ZNF566: variants seen among roughly 807,000 people sequenced by gnomAD.
ZNF566 encodes the protein zinc finger protein 566.
Under a neutral mutation model 32.8 loss-of-function variants are expected in ZNF566, and 27 were observed. The ratio of observed to expected loss-of-function variants is 0.82; its 90% CI spans 0.61 to 1.14. The LOEUF is 1.14. Ranked by LOEUF, ZNF566 falls within the 50% of genes most tolerant of loss-of-function variation. The pLI is 0.00. For synonymous variants in ZNF566, 154 were observed against 159.5 expected, an observed-to-expected ratio of 0.97 and a Z score of 0.26; for missense variants, 402 against 490.4, an observed-to-expected ratio of 0.82 and a Z score of 1.70.
chr19:36,484,325 G>GT (rs1190635465), intron 1 of ZNF566, among the ~76,000 whole-genome samples: 2 of 152,174 alleles, frequency 1.3e-5, no homozygotes, highest in Non-Finnish European at 2.9e-5. Flanking sequence ...TACCTGTTAG[G>GT]TTACAGTTCG....
chr19:36,473,218 T>A, intron 3 of ZNF566, 114 bp downstream of exon 3: 1 of 1,334,988 alleles, frequency 7.5e-7, no homozygotes, highest in Non-Finnish European at 1.1e-6. Flanking sequence ...AACATTCCTG[T>A]GGAACAGGAT....
Position 36,447,936 on chromosome 19 carries a change from T to C in ZNF566, c.*1041A>G, listed in dbSNP as rs1190417902. ...ATAATACTGATGATGATGAATATAATAACGATGACTAACATTCAGTGAGTA... is the reference window on the plus strand; with the variant it reads ...ATAATACTGATGATGATGAATATAACAACGATGACTAACATTCAGTGAGTA... On this transcript the variant is annotated 3_prime_UTR_variant, in exon 5 of 5. Coordinates refer to ENST00000452939, the MANE Select transcript of ZNF566 (RefSeq NM_001145344.1). 1.3e-5 allele frequency: 2 copies of C among 152,178 alleles called. No homozygotes were observed. The highest frequency in any genetic ancestry group is 2.9e-5 in the Non-Finnish European group (2 of 68,014). 9.4% of individuals were successfully genotyped at this position (152,178 alleles called of 1,614,324 possible).
chr19:36,454,492 G>T (rs1179041754), intron 4 of ZNF566, among the ~76,000 whole-genome samples: 1 of 152,114 alleles, frequency 6.6e-6, no homozygotes, highest in Non-Finnish European at 1.5e-5. Context: ...GTTCAAAACT[G>T]CAGTGAGTTA....
intron 1 of ZNF566, among the ~76,000 whole-genome samples, chr19:36,484,756 A>AT (rs1183290508): frequency 1.3e-4 from 19 of 151,596 alleles, no homozygotes; most frequent in Non-Finnish European, 1.2e-4. Flanking sequence ...TGCCCAGCTA[A>AT]TTTTTTGTAT....
intron 4 of ZNF566, among the ~76,000 whole-genome samples, chr19:36,463,431 G>A (rs1337064338): frequency 6.6e-6 from 1 of 150,516 alleles, no homozygotes; most frequent in African/African-American, 2.4e-5. Context: ...ATACCATCAA[G>A]AAGGCCTAAA....
At chr19:36,489,021 C>A (rs967806153) in intron 1 of ZNF566, among the ~76,000 whole-genome samples, 1 of 152,242 alleles carries the variant, frequency 6.6e-6, no homozygotes, top group African/African-American at 2.4e-5. Flanking sequence ...ACAGTCACAA[C>A]CACATTGTCA....
chr19:36,489,514 G>A lies in ZNF566; in HGVS notation c.-88C>T. 2 of 344,368 alleles carry A rather than the reference G, an allele frequency of 5.8e-6. No individual in the cohort carries two copies. Among genetic ancestry groups the A allele is most frequent in the South Asian group, 2.2e-5 (1 of 45,422 alleles). The allele number at this position is 344,368 out of a possible 1,614,324, so 21.3% of individuals were successfully genotyped here. On this transcript the variant is annotated 5_prime_UTR_variant, in exon 1 of 5. Coordinates refer to ENST00000452939, the MANE Select transcript of ZNF566 (RefSeq NM_001145344.1). ...CTTTCGAAGCAGCAGAACCCTCCCC[G>A]GCACTGGGGTAGTTGCTGGTAAAGC...
intron 4 of ZNF566, among the ~76,000 whole-genome samples, chr19:36,458,246 C>A (rs908209947): frequency 6.6e-6 from 1 of 152,020 alleles, no homozygotes; most frequent in East Asian, 1.9e-4. Context: ...TATGTATACA[C>A]ACACACATAC....
At chr19:36,454,203 G>T (rs2033241953) in intron 4 of ZNF566, among the ~76,000 whole-genome samples, 1 of 152,044 alleles carries the variant, frequency 6.6e-6, no homozygotes, top group South Asian at 2.1e-4. Flanking sequence ...CCAGCCTAAA[G>T]TTAAGTTATT....
At chr19:36,466,051 A>G (rs575233403) in intron 4 of ZNF566, among the ~76,000 whole-genome samples, 2 of 152,090 alleles carry the variant, frequency 1.3e-5, no homozygotes, top group African/African-American at 4.8e-5. Context: ...ATTTCCTATC[A>G]CTGAAAAAAA....
At chr19:36,471,230 A>AT (rs1312514735) in intron 4 of ZNF566, among the ~76,000 whole-genome samples, 11 of 151,762 alleles carry the variant, frequency 7.2e-5, no homozygotes, top group Non-Finnish European at 4.4e-5. Context: ...AAAAAAAAAA[A>AT]AATAATGAGT....
intron 4 of ZNF566, among the ~76,000 whole-genome samples, chr19:36,453,696 T>C (rs2033228674): frequency 6.6e-6 from 1 of 151,818 alleles, no homozygotes; most frequent in African/African-American, 2.4e-5. Context: ...TATTATTATA[T>C]TTTTGAGAAA....
chr19:36,449,242 C>A lies in ZNF566; in HGVS notation c.992G>T (p.Arg331Ile), dbSNP rs1274868282. 2 of 1,613,920 alleles carry A rather than the reference C, an allele frequency of 1.2e-6. No individual in the cohort carries two copies. Among genetic ancestry groups the A allele is most frequent in the East Asian group, 2.2e-5 (1 of 44,856 alleles). Residue 331 changes from arginine (R) to isoleucine (I), a missense_variant, in exon 5 of 5, where the codon AGA becomes ATA. Physicochemically the swap from Arg to Ile is moderately conservative, Grantham distance 97. This residue lies in a region of ZNF566 where 135 missense variants were observed against 210.0 expected (regional missense o/e 0.64). Transcript: ENST00000452939. The stretch of plus-strand genomic sequence containing the variant: ...GTAAGGTTTCTCACCTGTATGGATT[C>A]TTTGATGTTTAATAAGTTGTGAGCT... ...SQSSQLIKHQ[R>I]IHTGEKPYEC...
At chr19:36,474,828 CAT>C (rs771918259) in intron 2 of ZNF566, among the ~76,000 whole-genome samples, 4 of 152,166 alleles carry the variant, frequency 2.6e-5, no homozygotes, top group Non-Finnish European at 5.9e-5. Flanking sequence ...AAATGCTATT[CAT>C]ATGTTTCTCA....
At chr19:36,464,207 G>A (rs2033554973) in intron 4 of ZNF566, among the ~76,000 whole-genome samples, 1 of 151,936 alleles carries the variant, frequency 6.6e-6, no homozygotes, top group African/African-American at 2.4e-5. Flanking sequence ...ATTAAGGCAG[G>A]GATAAAAAGG....
At position 36,446,047 on chromosome 19, in the gene ZNF566, G is replaced by A. The variant is rs565950003; in HGVS notation, c.*2930C>T. The A allele has an allele frequency of 6.6e-6, 1 of 152,182 alleles. No homozygotes were observed. The highest frequency in any genetic ancestry group is 1.5e-5 in the Non-Finnish European group (1 of 68,014). The allele number at this position is 152,182 out of a possible 1,614,324, so 9.4% of individuals were successfully genotyped here. On this transcript the variant is annotated 3_prime_UTR_variant, in exon 5 of 5. Transcript: ENST00000452939. ...GACTGTTAGATCATCATCTATTGAA[G>A]GAAAATCCAAAATGTACAGTTGAAT...
chr19:36,473,126 G>A lies in ZNF566; in HGVS notation c.137-120C>T, dbSNP rs528653358. On this transcript the variant is annotated intron_variant, in intron 3 of 4. Transcript: ENST00000452939. ...GAGAAGAGTCAAAGAGAGGTACAAC[G>A]GACTTATGAAACATAACGGAAGATG... is the stretch of plus-strand genomic sequence containing the variant. 25 of 1,103,130 alleles carry A rather than the reference G, an allele frequency of 2.3e-5. No individual in the cohort carries two copies. The Admixed American group carries it at 2.9e-4, about 13-fold the overall frequency. 68.3% of individuals were successfully genotyped at this position (1,103,130 alleles called of 1,614,324 possible).
At chr19:36,465,242 C>A (rs1279984987) in intron 4 of ZNF566, among the ~76,000 whole-genome samples, 1 of 152,056 alleles carries the variant, frequency 6.6e-6, no homozygotes, top group Non-Finnish European at 1.5e-5. Context: ...AAAATAATAT[C>A]ATAAGGAAAG....
rs537947923 is a variant in ZNF566 at position 36,485,532 on chromosome 19, C to T, written c.-60+3954G>A. 1.1e-3 allele frequency among the ~76,000 whole-genome samples: 171 copies of T among 150,992 alleles called. 2 individuals carry two copies. Among genetic ancestry groups the T allele is most frequent in the African/African-American group, 3.9e-3 (161 of 41,054 alleles). ...ATCCCACTACTTTGGGAGGTCAAGT[C>T]GGCCAGATCACCTGAGGTCAGGAGT... On this transcript the variant is annotated intron_variant, in intron 1 of 4. Transcript: ENST00000452939.
Sources: gnomAD v4.1 joint callset for allele counts (sites outside exome capture counted in the v4.1 genomes callset) on GRCh38, gnomAD v4.1.1 for gene constraint, gnomAD v4.1.1 regional missense constraint, MANE v1.5 for transcripts, NCBI Gene and HGNC (gene_info 2026-07-23, HGNC 2026-07-21) for gene names.